RHOBTB2: variants seen among roughly 807,000 people sequenced by gnomAD.
RHOBTB2 encodes the protein rho-related BTB domain-containing protein 2.
RHOBTB2 carries 39 observed loss-of-function variants against 66.5 expected under a neutral mutation model. That is an observed-to-expected ratio of 0.59 (90% CI 0.45 to 0.77). The LOEUF is 0.77. Ranked by LOEUF, RHOBTB2 falls within the 30% of genes least tolerant of loss-of-function variation. RHOBTB2 has a pLI of 0.00. For synonymous variants in RHOBTB2, 390 were observed against 395.0 expected (o/e 0.99, Z 0.15); for missense variants, 755 against 999.1 (o/e 0.76, Z 3.29).
the RHOBTB2 span, among the ~76,000 whole-genome samples, chr8:22,978,425 T>G: frequency 6.8e-6 from 1 of 146,198 alleles, no homozygotes; most frequent in Non-Finnish European, 1.5e-5. Flanking sequence ...AGGTGGAGCT[T>G]GCAGTGAGCC....
At chr8:22,974,612 A>G in the RHOBTB2 span, among the ~76,000 whole-genome samples, 2 of 152,222 alleles carry the variant, frequency 1.3e-5, no homozygotes. Flanking sequence ...CGGTTCCCTG[A>G]AGGCCTAGAA....
the RHOBTB2 span, among the ~76,000 whole-genome samples, chr8:22,958,113 C>G: frequency 6.6e-6 from 1 of 152,228 alleles, no homozygotes; most frequent in Non-Finnish European, 1.5e-5. Flanking sequence ...AACTTTACCA[C>G]TCAGTCAGTG....
chr8:22,988,649 C>T (rs1810347070), intron 1 of RHOBTB2, among the ~76,000 whole-genome samples: 1 of 152,190 alleles, frequency 6.6e-6, no homozygotes, highest in Admixed American at 6.5e-5. Flanking sequence ...TGTAGCCACA[C>T]TTGGCCAGGA....
intron 7 of RHOBTB2, 48 bp downstream of exon 7, chr8:23,010,736 A>G: frequency 6.2e-7 from 1 of 1,600,704 alleles, no homozygotes; most frequent in South Asian, 1.1e-5. Context: ...GAGGCCAGGG[A>G]AACCCCAAGG....
chr8:22,995,911 A>G (rs912737242), upstream of RHOBTB2: 85 of 1,549,602 alleles, frequency 5.5e-5, no homozygotes, highest in Non-Finnish European at 7.2e-5. Context: ...GTTGAAGGGT[A>G]AAGCTGCCTG....
At chr8:22,962,033 T>A in the RHOBTB2 span, among the ~76,000 whole-genome samples, 7 of 151,998 alleles carry the variant, frequency 4.6e-5, no homozygotes, top group Non-Finnish European at 1.0e-4. Context: ...CAGTTGCTGG[T>A]GACTGTACTC....
At chr8:23,001,095 G>C in intron 1 of RHOBTB2, among the ~76,000 whole-genome samples, 1 of 152,184 alleles carries the variant, frequency 6.6e-6, no homozygotes, top group East Asian at 1.9e-4. Context: ...CTGGGAGAGC[G>C]GTGGGCAGGA....
At chr8:22,970,941 T>C in the RHOBTB2 span, among the ~76,000 whole-genome samples, 1 of 152,206 alleles carries the variant, frequency 6.6e-6, no homozygotes, top group South Asian at 2.1e-4. Context: ...TTCTCCAGTG[T>C]AATCATTACA....
the RHOBTB2 span, among the ~76,000 whole-genome samples, chr8:22,981,044 T>C: frequency 6.6e-6 from 1 of 152,250 alleles, no homozygotes; most frequent in South Asian, 2.1e-4. Flanking sequence ...GCAAAAGAAT[T>C]TGTTCACAAC....
At chr8:22,996,561 G>GTGTGTGTC (rs1164075631), upstream of RHOBTB2, among the ~76,000 whole-genome samples, 290 of 109,300 alleles carry the variant, frequency 2.7e-3, 8 homozygotes, top group African/African-American at 5.1e-3. Context: ...GTGTGTGTGT[G>GTGTGTGTC]TGTGTGTCTG....
chr8:22,983,139 A>G (rs1051167365), upstream of RHOBTB2, among the ~76,000 whole-genome samples: 1 of 152,072 alleles, frequency 6.6e-6, no homozygotes, highest in African/African-American at 2.4e-5. Context: ...TTCTGTGTAC[A>G]CCCCAATTAC....
In RHOBTB2 at chr8:23,004,506, C is replaced by T. The variant is rs372520177; in HGVS notation, c.72C>T (p.Ala24=). Residue 24 remains alanine (A), a synonymous_variant, in exon 2 of 10, where the codon GCC becomes GCT. Coordinates refer to ENST00000251822, the MANE Select transcript of RHOBTB2 (RefSeq NM_015178.3). The surrounding 1 kb of genome is among the most constrained non-coding windows in gnomAD (Gnocchi z 6.4). The part of the protein sequence containing the change: ...TIKCVVVGDN[A]VGKTRLICAR... ...AGTGCGTTGTGGTGGGGGACAACGC[C>T]GTGGGTAAGACCAGGCTCATCTGTG... The T allele has an allele frequency of 1.1e-5, 17 of 1,614,044 alleles. No individual in the cohort carries two copies. The highest frequency in any genetic ancestry group is 2.2e-5 in the East Asian group (1 of 44,890).
chr8:22,999,738 A>C lies in RHOBTB2; in HGVS notation c.-378A>C. 4 of 1,083,618 alleles carry C rather than the reference A, an allele frequency of 3.7e-6. No individual in the cohort carries two copies. The highest frequency in any genetic ancestry group is 3.4e-6 in the Non-Finnish European group (3 of 886,716). The allele number at this position is 1,083,618 out of a possible 1,614,324, so 67.1% of individuals were successfully genotyped here. A position where few individuals can be genotyped will look rare whatever the true frequency, so the allele number is the denominator to read the frequency against. On this transcript the variant is annotated 5_prime_UTR_variant, in exon 1 of 10. Coordinates refer to ENST00000251822, the MANE Select transcript of RHOBTB2 (RefSeq NM_015178.3). ...GCCTTCGCCGCGGGCCCGGGCGCGT[A>C]GCGGCGGCGGCCTCGCCCCTCTCCC... is the stretch of plus-strand genomic sequence containing the variant.
At chr8:22,979,558 C>G in the RHOBTB2 span, among the ~76,000 whole-genome samples, 1 of 151,946 alleles carries the variant, frequency 6.6e-6, no homozygotes, top group Non-Finnish European at 1.5e-5. Context: ...TCTTGGAGGA[C>G]AGTTTATTTT....
the RHOBTB2 span, among the ~76,000 whole-genome samples, chr8:22,973,454 G>A: frequency 1.3e-5 from 2 of 151,852 alleles, no homozygotes; most frequent in African/African-American, 2.4e-5. Flanking sequence ...GGCTGGTCTC[G>A]AACTCCTGGC....
rs1033330364 is a variant in RHOBTB2 at position 23,020,140 on chromosome 8, A to G, written c.*2671A>G. ...AGACAAAAACCACACCTCTTTTTAT[A>G]TAAGGTTTCATATTTAATTTGGTCA... On this transcript the variant is annotated 3_prime_UTR_variant, in exon 10 of 10. Transcript: ENST00000251822. 1.5e-5 allele frequency: 6 copies of G among 387,178 alleles called. No individual in the cohort carries two copies. The highest frequency in any genetic ancestry group is 3.1e-5 in the Non-Finnish European group (6 of 195,442). The allele number at this position is 387,178 out of a possible 1,614,324, so 24.0% of individuals were successfully genotyped here.
At chr8:22,997,464 G>A (rs952182782), upstream of RHOBTB2, among the ~76,000 whole-genome samples, 7 of 152,172 alleles carry the variant, frequency 4.6e-5, no homozygotes, top group Non-Finnish European at 1.0e-4. Flanking sequence ...GGCGGGGGCT[G>A]TGGGGGTGCA....
At chr8:22,963,923 A>C in the RHOBTB2 span, among the ~76,000 whole-genome samples, 1 of 151,770 alleles carries the variant, frequency 6.6e-6, no homozygotes. Context: ...CTGGGATTAC[A>C]GGCATGCGCC....
intron 6 of RHOBTB2, among the ~76,000 whole-genome samples, chr8:23,009,742 GA>G (rs905754157): frequency 6.6e-6 from 1 of 152,196 alleles, no homozygotes. Context: ...AGGCTAAGTG[GA>G]AGCGTTGGGA....
Sources: allele counts gnomAD v4.1 joint callset (sites outside exome capture counted in the v4.1 genomes callset), GRCh38; gene constraint gnomAD v4.1.1; non-coding constraint Gnocchi (gnomAD v3.1); transcripts MANE v1.5; gene names NCBI Gene and HGNC (gene_info 2026-07-23, HGNC 2026-07-21).